Variants in TEAD3 observed in about 807,000 individuals in gnomAD.
TEAD3 encodes the protein transcriptional enhancer factor TEF-5.
A neutral mutation model predicts 55.6 loss-of-function variants in TEAD3; 15 were observed. The ratio of observed to expected loss-of-function variants is 0.27; its 90% CI spans 0.18 to 0.42. The LOEUF (loss-of-function observed/expected upper bound fraction) is 0.42, where lower values mean the gene tolerates loss of function less well. TEAD3 is among the 10% of genes least tolerant of loss of function. The pLI, the probability that TEAD3 is intolerant of heterozygous loss-of-function variation, is 1.00. For missense variants in TEAD3, 407 were observed against 576.8 expected (o/e 0.71, Z 3.01); for synonymous variants, 210 against 232.2 (o/e 0.90, Z 0.87).
rs1768236723 is a variant in TEAD3 at position 35,480,144 on chromosome 6, GA to G, written c.268-23del. On this transcript the variant is annotated intron_variant, in intron 3 of 12. Coordinates refer to ENST00000639578, the Ensembl canonical transcript of TEAD3. ...AGACCTGTAGAGAGAGAAAGAAAGAGAAAAAGAACAGAAAGAGCGGAAGGAG... is the reference window on the plus strand; with the variant it reads ...AGACCTGTAGAGAGAGAAAGAAAGAGAAAAGAACAGAAAGAGCGGAAGGAG... 4 of 1,548,894 alleles carry G rather than the reference GA, an allele frequency of 2.6e-6. No homozygotes were observed. The East Asian group carries it at 9.8e-5, about 38-fold the overall frequency.
rs1364419857 is a variant in TEAD3 at position 35,488,857 on chromosome 6, T to TC, written c.-49-2147dup. Among the ~76,000 whole-genome samples, 250 of 152,054 alleles carry TC rather than the reference T, an allele frequency of 1.6e-3. 4 individuals are homozygous for TC. The highest frequency in any genetic ancestry group is 5.9e-3 in the African/African-American group (244 of 41,484). Reference sequence around the variant, plus strand: ...TCCTGCCTCAGACTCCCATGCAGCCTCCCCCCTCAGCATGGTGGCACGCAC... The same window carrying TC: ...TCCTGCCTCAGACTCCCATGCAGCCTCCCCCCCTCAGCATGGTGGCACGCAC... On this transcript the variant is annotated intron_variant, in intron 1 of 12. Transcript: ENST00000639578. The surrounding 1 kb of genome is among the most constrained non-coding windows in gnomAD (Gnocchi z 4.2).
chr6:35,486,357 C>T lies in TEAD3; in HGVS notation c.202+104G>A. 1 of 1,375,672 alleles carries T rather than the reference C, an allele frequency of 7.3e-7. No individual in the cohort carries two copies. Among genetic ancestry groups the T allele is most frequent in the Admixed American group, 2.4e-5 (1 of 42,156 alleles). 85.2% of individuals were successfully genotyped at this position (1,375,672 alleles called of 1,614,324 possible). On this transcript the variant is annotated intron_variant, in intron 2 of 12. Transcript: ENST00000639578. This position sits in a 1 kb window ranked among gnomAD's most constrained non-coding sequence, Gnocchi z 7.3. ...ACACAGGCTTGCGCGCCCAGACTCG[C>T]CCGGCCAGCGGCTGGCGGCCTCCGA... is the stretch of plus-strand genomic sequence containing the variant.
chr6:35,479,351 A>G, intron 4 of TEAD3, 35 bp from the exon 5 acceptor site: 2 of 1,613,780 alleles, frequency 1.2e-6, no homozygotes, highest in South Asian at 2.2e-5. Context: ...ATTAGAGGAC[A>G]TGTGCAGCAC....
chr6:35,486,310 G>A lies in TEAD3; in HGVS notation c.202+151C>T, dbSNP rs1257675893. On this transcript the variant is annotated intron_variant, in intron 2 of 12. Coordinates refer to ENST00000639578, the Ensembl canonical transcript of TEAD3. The surrounding 1 kb of genome is among the most constrained non-coding windows in gnomAD (Gnocchi z 7.3). ...GCGAGCCCGGCTTGTTTATGAGGAGGAGCGCGGAGGAGGATCCAGACACAC... is the reference window on the plus strand; with the variant it reads ...GCGAGCCCGGCTTGTTTATGAGGAGAAGCGCGGAGGAGGATCCAGACACAC... 2 of 933,468 alleles carry A rather than the reference G, an allele frequency of 2.1e-6. No homozygotes were observed. The highest frequency in any genetic ancestry group is 1.7e-5 in the African/African-American group (1 of 59,872). The allele number at this position is 933,468 out of a possible 1,614,324, so 57.8% of individuals were successfully genotyped here.
At chr6:35,490,277 A>G (rs903640133) in intron 1 of TEAD3, among the ~76,000 whole-genome samples, 2 of 151,960 alleles carry the variant, frequency 1.3e-5, no homozygotes, top group Non-Finnish European at 2.9e-5. Flanking sequence ...CAGGCTTGGG[A>G]GCTGGGACAG....
chr6:35,478,291 G>A, exon 7 of TEAD3: 1 of 1,613,782 alleles, frequency 6.2e-7, no homozygotes, highest in Non-Finnish European at 8.5e-7. Flanking sequence ...GAGGGTCCAG[G>A]CTGCTGTCCC....
downstream of TEAD3, chr6:35,474,290 C>G (rs555444270): frequency 9.8e-5 from 15 of 153,046 alleles, no homozygotes; most frequent in East Asian, 2.9e-3. Flanking sequence ...CAGTCTGAAA[C>G]AGGTGCTCCC....
chr6:35,475,695 G>A lies in TEAD3; in HGVS notation c.912C>T (p.Asn304=). ...CTCCCGGGCCCTCCTGGATGGTGCT[G>A]TTGAGGTCGGCCTGGGCATGGGGGT... The change falls in exon 11 of 13, where the codon AAC becomes AAT. Residue 304 remains asparagine (N), a synonymous_variant. Transcript: ENST00000639578. The surrounding 1 kb of genome is among the most constrained non-coding windows in gnomAD (Gnocchi z 5.4). 2 of 1,598,736 alleles carry A rather than the reference G, an allele frequency of 1.3e-6. No individual in the cohort carries two copies. The highest frequency in any genetic ancestry group is 1.3e-5 in the African/African-American group (1 of 74,568).
At position 35,491,493 on chromosome 6, in the gene TEAD3, C is replaced by A. The variant is rs1286758710; in HGVS notation, c.-49-4782G>T. Among the ~76,000 whole-genome samples, 2 of 152,114 alleles carry A rather than the reference C, an allele frequency of 1.3e-5. No individual in the cohort carries two copies. Among genetic ancestry groups the A allele is most frequent in the East Asian group, 1.9e-4 (1 of 5,194 alleles). On this transcript the variant is annotated intron_variant, in intron 1 of 12. Transcript: ENST00000639578. The surrounding 1 kb of genome is among the most constrained non-coding windows in gnomAD (Gnocchi z 4.4). ...CAGAGGGAGGGAGTGACAAGGGAGG[C>A]CACTGCCAGGGGCTGGGGCTGGCCA... is the stretch of plus-strand genomic sequence containing the variant.
chr6:35,478,916 G>C (rs1260931227), intron 5 of TEAD3, among the ~76,000 whole-genome samples: 1 of 120,108 alleles, frequency 8.3e-6, no homozygotes, highest in Non-Finnish European at 1.6e-5. Context: ...GTCTCGCTCT[G>C]TCACCCAGGC....
In TEAD3 at chr6:35,496,330, G is replaced by C. The variant is rs2150920009; in HGVS notation, c.-50+568C>G. ...AACGTGAGCCCCTCCCTGCCTCTCA[G>C]GGGACACACGGCCGGGGCGCGCGGC... On this transcript the variant is annotated intron_variant, in intron 1 of 12. Transcript: ENST00000639578. The surrounding 1 kb of genome is among the most constrained non-coding windows in gnomAD (Gnocchi z 4.8). 6.6e-6 allele frequency among the ~76,000 whole-genome samples: 1 copy of C among 152,332 alleles called. No individual in the cohort carries two copies. The highest frequency in any genetic ancestry group is 1.9e-4 in the East Asian group (1 of 5,170).
intron 3 of TEAD3, among the ~76,000 whole-genome samples, chr6:35,482,188 G>A (rs754071836): frequency 3.9e-5 from 6 of 152,116 alleles, no homozygotes; most frequent in Non-Finnish European, 8.8e-5. Context: ...GTTTCACCAT[G>A]TTGACCAGGC....
chr6:35,476,394 C>T, exon 9 of TEAD3: 1 of 1,613,118 alleles, frequency 6.2e-7, no homozygotes, highest in Non-Finnish European at 8.5e-7. Flanking sequence ...CACACAGGCA[C>T]AGAGGCAGCA....
In TEAD3 at chr6:35,489,316, CACA is replaced by C. The variant is rs145209237; in HGVS notation, c.-49-2608_-49-2606del. Among the ~76,000 whole-genome samples the C allele has an allele frequency of 6.2e-3, 950 of 152,274 alleles. 10 individuals are homozygous for C. Among genetic ancestry groups the C allele is most frequent in the African/African-American group, 0.022 (902 of 41,544 alleles). On this transcript the variant is annotated intron_variant, in intron 1 of 12. Coordinates refer to ENST00000639578, the Ensembl canonical transcript of TEAD3. ...AAGTTAAGCAACTTGCCTTAGGGCA[CACA>C]ACAAGTAAGTACTAGGGCTGGGTTC...
At chr6:35,481,309 T>C (rs1581724351) in intron 3 of TEAD3, among the ~76,000 whole-genome samples, 1 of 152,140 alleles carries the variant, frequency 6.6e-6, no homozygotes, top group Non-Finnish European at 1.5e-5. Context: ...CAAATGTCAC[T>C]GTTTTCCCCA....
In TEAD3 at chr6:35,486,770, T is replaced by G; in HGVS notation, c.-49-59A>C. ...GTCCTCCTCGACCACAGCAATCTCC[T>G]ATCCCACAGCCGCTGGCTCTGGAGC... is the stretch of plus-strand genomic sequence containing the variant. On this transcript the variant is annotated intron_variant, in intron 1 of 12. Coordinates refer to ENST00000639578, the Ensembl canonical transcript of TEAD3. This position sits in a 1 kb window ranked among gnomAD's most constrained non-coding sequence, Gnocchi z 7.3. The G allele has an allele frequency of 8.1e-6, 10 of 1,234,990 alleles. No homozygotes were observed. Among genetic ancestry groups the G allele is most frequent in the African/African-American group, 1.5e-5 (1 of 67,236 alleles). The allele number at this position is 1,234,990 out of a possible 1,614,324, so 76.5% of individuals were successfully genotyped here.
Position 35,491,505 on chromosome 6 carries a change from G to C in TEAD3, c.-49-4794C>G, listed in dbSNP as rs1005045988. Among the ~76,000 whole-genome samples, 3 of 152,088 alleles carry C rather than the reference G, an allele frequency of 2.0e-5. No individual in the cohort carries two copies. Among genetic ancestry groups the C allele is most frequent in the South Asian group, 2.1e-4 (1 of 4,824 alleles). On this transcript the variant is annotated intron_variant, in intron 1 of 12. Coordinates refer to ENST00000639578, the Ensembl canonical transcript of TEAD3. The surrounding 1 kb of genome is among the most constrained non-coding windows in gnomAD (Gnocchi z 4.4). The stretch of plus-strand genomic sequence containing the variant: ...GTGACAAGGGAGGCCACTGCCAGGG[G>C]CTGGGGCTGGCCACCATCCAGGACA...
Position 35,480,296 on chromosome 6 carries a change from C to T in TEAD3, c.268-174G>A. 6.2e-7 allele frequency: 1 copy of T among 1,613,100 alleles called. No homozygotes were observed. The highest frequency in any genetic ancestry group is 8.5e-7 in the Non-Finnish European group (1 of 1,179,546). On this transcript the variant is annotated intron_variant, in intron 3 of 12. Transcript: ENST00000639578. The stretch of plus-strand genomic sequence containing the variant: ...GCCCAGGAGGGCTGAAGGCCCCCGC[C>T]AGGCACCCAACATACCTTGATGCCA...
rs532240923 is a variant in TEAD3, at chr6:35,490,371, G to A, written c.-49-3660C>T. ...GGGGAGGGGGGACGGCCCAAAGGAC[G>A]TGTCAAGGAGAGAATAGGACCACCG... On this transcript the variant is annotated intron_variant, in intron 1 of 12. Transcript: ENST00000639578. Among the ~76,000 whole-genome samples the A allele has an allele frequency of 1.8e-4, 27 of 152,282 alleles. No homozygotes were observed. In the South Asian group the frequency reaches 4.1e-3, roughly 23 times the overall value.
Sources: gnomAD v4.1 joint callset for allele counts (sites outside exome capture counted in the v4.1 genomes callset) on GRCh38, gnomAD v4.1.1 for gene constraint, Gnocchi (gnomAD v3.1) non-coding constraint, MANE v1.5 for transcripts, NCBI Gene and HGNC (gene_info 2026-07-23, HGNC 2026-07-21) for gene names.